The following NUBPL variants were observed in gnomAD, a reference collection of about 807,000 sequenced individuals.
NUBPL encodes the protein NUBP iron-sulfur cluster assembly factor, mitochondrial, also known as iron-sulfur cluster transfer protein NUBPL.
A neutral mutation model predicts 45.7 loss-of-function variants in NUBPL; 31 were observed. The ratio of observed to expected loss-of-function variants is 0.68; its 90% CI spans 0.51 to 0.92. NUBPL has a LOEUF of 0.92. Among genes scored for constraint, NUBPL ranks in the 40% least tolerant of loss-of-function variants. NUBPL has a pLI of 0.00. For synonymous variants in NUBPL, 144 were observed against 140.9 expected (o/e 1.02, Z -0.15); for missense variants, 401 against 398.7 (o/e 1.01, Z -0.05).
chr14:31,744,693 C>A (rs992277356), intron 6 of NUBPL, among the ~76,000 whole-genome samples: 1 of 147,602 alleles, frequency 6.8e-6, no homozygotes, highest in African/African-American at 2.5e-5. Context: ...ACAATCTCGG[C>A]TCACTGCAAC....
At chr14:31,688,997 A>AT (rs374637209) in intron 6 of NUBPL, among the ~76,000 whole-genome samples, 2,637 of 143,180 alleles carry the variant, frequency 0.018, 36 homozygotes, top group South Asian at 0.065. Context: ...ACCTGATCTC[A>AT]TTTTTTTTTT....
chr14:31,657,080 C>G, intron 4 of NUBPL, among the ~76,000 whole-genome samples: 1 of 152,136 alleles, frequency 6.6e-6, no homozygotes, highest in South Asian at 2.1e-4. Context: ...TTGATAATTG[C>G]CTAAATATTA....
chr14:31,837,357 C>A (rs1048382663), intron 8 of NUBPL, among the ~76,000 whole-genome samples: 2 of 152,040 alleles, frequency 1.3e-5, no homozygotes, highest in Non-Finnish European at 2.9e-5. Context: ...CATTATAAAT[C>A]ACAGAACCTG....
Position 31,707,455 on chromosome 14 carries a change from TTGTC to T in NUBPL, c.513+33887_513+33890del, listed in dbSNP as rs376880247. Among the ~76,000 whole-genome samples the T allele has an allele frequency of 6.5e-3, 993 of 152,360 alleles. 11 individuals are homozygous for T. The highest frequency in any genetic ancestry group is 0.022 in the African/African-American group (929 of 41,594). ...TCTTTCTCTCTTTCTGACTCCCTCT[TTGTC>T]TGTCTCTTCCTCTCTTTGTACTTCT... On this transcript the variant is annotated intron_variant, in intron 6 of 10. Coordinates refer to ENST00000281081, the MANE Select transcript of NUBPL (RefSeq NM_025152.3).
intron 6 of NUBPL, among the ~76,000 whole-genome samples, chr14:31,700,186 G>A (rs1305044100): frequency 2.0e-5 from 3 of 152,206 alleles, no homozygotes; most frequent in Admixed American, 1.3e-4. Flanking sequence ...CCCAGAACAA[G>A]TTATTATTCA....
chr14:31,701,132 C>CTAATCTAGG (rs2037327884), intron 6 of NUBPL, among the ~76,000 whole-genome samples: 1 of 151,324 alleles, frequency 6.6e-6, no homozygotes, highest in Non-Finnish European at 1.5e-5. Context: ...CTGTATCTAG[C>CTAATCTAGG]TAATCTGGTG....
chr14:31,745,441 C>T (rs536006478), intron 6 of NUBPL, among the ~76,000 whole-genome samples: 310 of 152,164 alleles, frequency 2.0e-3, no homozygotes, highest in African/African-American at 6.1e-3. Context: ...TTTCTTAATC[C>T]AGTCTATCAT....
intron 4 of NUBPL, among the ~76,000 whole-genome samples, chr14:31,651,108 T>C (rs1296874250): frequency 6.6e-6 from 1 of 152,172 alleles, no homozygotes; most frequent in Non-Finnish European, 1.5e-5. Flanking sequence ...ATCTAAACTA[T>C]AGCAGATACT....
At chr14:31,692,173 A>G (rs2037109238) in intron 6 of NUBPL, among the ~76,000 whole-genome samples, 1 of 152,140 alleles carries the variant, frequency 6.6e-6, no homozygotes, top group Non-Finnish European at 1.5e-5. Flanking sequence ...TTTATTTTCT[A>G]TTTTGACTTT....
In NUBPL at chr14:31,850,197, A is replaced by C. The variant is rs749138488; in HGVS notation, c.893A>C (p.Asp298Ala). 1.2e-6 allele frequency: 2 copies of C among 1,612,366 alleles called. No homozygotes were observed. Among genetic ancestry groups the C allele is most frequent in the East Asian group, 4.5e-5 (2 of 44,836 alleles). Reference sequence around the variant, plus strand: ...ATTGTGTTTTCACAGCCTGAAAGTGATGAGGTAAGTTCCATTTTTGGATAC... The same window carrying C: ...ATTGTGTTTTCACAGCCTGAAAGTGCTGAGGTAAGTTCCATTTTTGGATAC... ...QPIVFSQPESDEAKAYLRIAV... is the reference protein window; with the variant it reads ...QPIVFSQPESAEAKAYLRIAV... Residue 298 changes from aspartate (D) to alanine (A), a missense_variant, in exon 10 of 11, where the codon GAT (aspartate) becomes GCT (alanine). Transcript: ENST00000281081.
chr14:31,610,553 C>T (rs1177353239), intron 4 of NUBPL, among the ~76,000 whole-genome samples: 5 of 143,350 alleles, frequency 3.5e-5, no homozygotes, highest in South Asian at 2.2e-4. Context: ...AATATTGCCA[C>T]ACTCATTCTG....
At chr14:31,680,594 T>C (rs1018122538) in intron 6 of NUBPL, among the ~76,000 whole-genome samples, 1 of 152,144 alleles carries the variant, frequency 6.6e-6, no homozygotes, top group Admixed American at 6.5e-5. Flanking sequence ...ATATTGTAAT[T>C]ATAGTTGTCC....
intron 6 of NUBPL, among the ~76,000 whole-genome samples, chr14:31,759,449 T>C (rs949713175): frequency 3.9e-5 from 6 of 152,130 alleles, no homozygotes; most frequent in African/African-American, 1.2e-4. Flanking sequence ...TTGACAAATA[T>C]TGTATGTATT....
intron 6 of NUBPL, among the ~76,000 whole-genome samples, chr14:31,713,750 C>A (rs1286192029): frequency 6.6e-6 from 1 of 152,176 alleles, no homozygotes; most frequent in African/African-American, 2.4e-5. Flanking sequence ...TATTTAAAAT[C>A]TGCTTTGTTA....
At chr14:31,728,224 T>A (rs1244630258) in intron 6 of NUBPL, among the ~76,000 whole-genome samples, 1 of 152,068 alleles carries the variant, frequency 6.6e-6, no homozygotes, top group Non-Finnish European at 1.5e-5. Context: ...TATTTATTTA[T>A]TTCCCATAAA....
chr14:31,677,789 T>C lies in NUBPL; in HGVS notation c.513+4215T>C, dbSNP rs536852812. On this transcript the variant is annotated intron_variant, in intron 6 of 10. Coordinates refer to ENST00000281081, the MANE Select transcript of NUBPL (RefSeq NM_025152.3). The stretch of plus-strand genomic sequence containing the variant: ...TGCACAGCACTGGGTCTTGTCCTGC[T>C]GTTACCACTATCCGGCTACTGACTA... Among the ~76,000 whole-genome samples the C allele has an allele frequency of 2.6e-5, 4 of 152,342 alleles. No homozygotes were observed. In the East Asian group the frequency reaches 7.7e-4, roughly 29 times the overall value.
intron 4 of NUBPL, among the ~76,000 whole-genome samples, chr14:31,619,265 G>A (rs1036725717): frequency 6.6e-6 from 1 of 152,036 alleles, no homozygotes; most frequent in African/African-American, 2.4e-5. Context: ...GTTTTAATTG[G>A]GACATTTAGC....
intron 8 of NUBPL, among the ~76,000 whole-genome samples, chr14:31,838,540 G>A (rs2040320621): frequency 6.6e-6 from 1 of 152,124 alleles, no homozygotes; most frequent in South Asian, 2.1e-4. Context: ...TTAATTTATG[G>A]TGTTAGAAAG....
chr14:31,791,378 G>T (rs1167435486), intron 7 of NUBPL, among the ~76,000 whole-genome samples: 1 of 152,080 alleles, frequency 6.6e-6, no homozygotes, highest in Non-Finnish European at 1.5e-5. Context: ...CATATGCAAG[G>T]TAAATGCCTA....
Sources: allele counts gnomAD v4.1 joint callset (sites outside exome capture counted in the v4.1 genomes callset), GRCh38; gene constraint gnomAD v4.1.1; transcripts MANE v1.5; gene names NCBI Gene and HGNC (gene_info 2026-07-23, HGNC 2026-07-21).